MCU: variants seen among roughly 807,000 people sequenced by gnomAD.
The protein encoded by MCU is calcium uniporter protein, mitochondrial.
In MCU, 12 loss-of-function variants were observed where a neutral mutation model predicts 45.2. That is an observed-to-expected ratio of 0.27 (90% CI 0.17 to 0.43). The LOEUF is 0.43. MCU is among the 20% of genes least tolerant of loss of function. The pLI is 1.00. For synonymous variants in MCU, 160 were observed against 165.1 expected (o/e 0.97, Z 0.24); for missense variants, 324 against 436.7 (o/e 0.74, Z 2.30).
chr10:72,805,986 C>T (rs1844442078), intron 1 of MCU, among the ~76,000 whole-genome samples: 1 of 151,968 alleles, frequency 6.6e-6, no homozygotes, highest in Non-Finnish European at 1.5e-5. Flanking sequence ...AAGGAATGAC[C>T]TGGGGGATCT....
At chr10:72,868,269 C>G (rs776787143) in intron 4 of MCU, among the ~76,000 whole-genome samples, 8 of 152,098 alleles carry the variant, frequency 5.3e-5, no homozygotes, top group Non-Finnish European at 8.8e-5. Context: ...AAACTATTGG[C>G]TGGGCATGGT....
At chr10:72,879,526 A>G (rs976269585) in intron 6 of MCU, among the ~76,000 whole-genome samples, 4 of 152,206 alleles carry the variant, frequency 2.6e-5, no homozygotes, top group Non-Finnish European at 5.9e-5. Context: ...TTCCAAAATA[A>G]AGACATTTTC....
At chr10:72,856,812 G>T (rs1479745326) in intron 2 of MCU, among the ~76,000 whole-genome samples, 1 of 2,196 alleles carries the variant, frequency 4.6e-4, no homozygotes, top group Non-Finnish European at 9.4e-4. Context: ...GCATGGTGGT[G>T]CACGCCTGTA....
At chr10:72,829,623 AAAAC>A (rs947926023) in intron 1 of MCU, among the ~76,000 whole-genome samples, 12 of 151,688 alleles carry the variant, frequency 7.9e-5, no homozygotes, top group African/African-American at 2.9e-4. Flanking sequence ...TAAAAAAAAA[AAAAC>A]CTAAACAGTA....
intron 1 of MCU, among the ~76,000 whole-genome samples, chr10:72,824,904 A>G (rs186616353): frequency 6.6e-6 from 1 of 152,342 alleles, no homozygotes; most frequent in Admixed American, 6.5e-5. Context: ...TGTTTACTTC[A>G]TTAATGCAAA....
At chr10:72,692,913 C>G in intron 1 of MCU, 1 of 1,499,622 alleles carries the variant, frequency 6.7e-7, no homozygotes. Context: ...CCGGCTCCCT[C>G]GAGATGGATG....
chr10:72,803,732 GCA>G (rs1297230338), intron 1 of MCU, among the ~76,000 whole-genome samples: 1 of 151,070 alleles, frequency 6.6e-6, no homozygotes, highest in African/African-American at 2.4e-5. Flanking sequence ...TCATTTTTTT[GCA>G]CACACACAAA....
At chr10:72,878,313 G>A (rs921225586) in intron 6 of MCU, among the ~76,000 whole-genome samples, 1 of 151,460 alleles carries the variant, frequency 6.6e-6, no homozygotes. Context: ...GTAGAGCTGT[G>A]GTTTCTCCAT....
chr10:72,865,405 C>T (rs1185080992), intron 4 of MCU, among the ~76,000 whole-genome samples: 1 of 152,140 alleles, frequency 6.6e-6, no homozygotes, highest in Non-Finnish European at 1.5e-5. Context: ...TTTCAAAAGA[C>T]CTTTTTAATG....
intron 1 of MCU, among the ~76,000 whole-genome samples, chr10:72,823,223 A>G (rs1844741121): frequency 6.6e-6 from 1 of 152,248 alleles, no homozygotes; most frequent in Non-Finnish European, 1.5e-5. Context: ...CAACATAGAT[A>G]AGCCTTGAAA....
chr10:72,847,720 G>C (rs1029484252), intron 2 of MCU, among the ~76,000 whole-genome samples: 9 of 152,172 alleles, frequency 5.9e-5, no homozygotes, highest in African/African-American at 2.2e-4. Flanking sequence ...TGTTTCTGTG[G>C]ATTAGGGATT....
intron 1 of MCU, among the ~76,000 whole-genome samples, chr10:72,827,001 T>C (rs1385388587): frequency 2.0e-5 from 3 of 152,216 alleles, no homozygotes; most frequent in Non-Finnish European, 4.4e-5. Flanking sequence ...GCCTAATTTA[T>C]AAATTAAACT....
At chr10:72,813,612 C>T (rs2132805500) in intron 1 of MCU, among the ~76,000 whole-genome samples, 1 of 152,096 alleles carries the variant, frequency 6.6e-6, no homozygotes, top group East Asian at 1.9e-4. Context: ...GCATGCACCA[C>T]CACACCTGGC....
chr10:72,709,355 G>T lies in MCU; in HGVS notation c.150+17054G>T, dbSNP rs1003543179. Among the ~76,000 whole-genome samples, 3 of 152,290 alleles carry T rather than the reference G, an allele frequency of 2.0e-5. No homozygotes were observed. The East Asian group carries it at 5.8e-4, about 29-fold the overall frequency. ...AATACAGATGTCAGAATACTTTAAA[G>T]AAGTATTTAAAGATAGATTGAGTAG... is the stretch of plus-strand genomic sequence containing the variant. On this transcript the variant is annotated intron_variant, in intron 1 of 7. Transcript: ENST00000373053.
intron 1 of MCU, among the ~76,000 whole-genome samples, chr10:72,727,402 T>C (rs1843115805): frequency 1.3e-5 from 2 of 152,208 alleles, no homozygotes; most frequent in African/African-American, 4.8e-5. Context: ...AACATACTTT[T>C]CCCTAATCCC....
At chr10:72,745,386 A>G (rs1410312194) in intron 1 of MCU, among the ~76,000 whole-genome samples, 3 of 151,984 alleles carry the variant, frequency 2.0e-5, no homozygotes. Flanking sequence ...ACACTACCAC[A>G]CCGGCTGGTT....
At chr10:72,880,967 A>C (rs1845692532) in intron 6 of MCU, among the ~76,000 whole-genome samples, 2 of 152,148 alleles carry the variant, frequency 1.3e-5, no homozygotes. Flanking sequence ...ATAGCTAAAA[A>C]AATTTTTTTA....
In MCU at chr10:72,887,266, C is replaced by G. The variant is rs778467020; in HGVS notation, c.*1444C>G. The G allele has an allele frequency of 1.3e-4, 20 of 152,834 alleles. No individual in the cohort carries two copies. Among genetic ancestry groups the G allele is most frequent in the Non-Finnish European group, 2.4e-4 (16 of 68,030 alleles). The allele number at this position is 152,834 out of a possible 1,614,324, so 9.5% of individuals were successfully genotyped here. A position where few individuals can be genotyped will look rare whatever the true frequency, so the allele number is the denominator to read the frequency against. On this transcript the variant is annotated 3_prime_UTR_variant, in exon 8 of 8. Transcript: ENST00000373053. Reference sequence around the variant, plus strand: ...AAACTTTAAATGACAAACCCAGACTCCAGGTGCCTTGCAAAGGTTGAAGGC... The same window carrying G: ...AAACTTTAAATGACAAACCCAGACTGCAGGTGCCTTGCAAAGGTTGAAGGC...
chr10:72,720,366 A>G (rs990840435), intron 1 of MCU, among the ~76,000 whole-genome samples: 1 of 152,224 alleles, frequency 6.6e-6, no homozygotes, highest in African/African-American at 2.4e-5. Flanking sequence ...GAATTCAGGT[A>G]TATGTCTGCA....
Sources: allele counts gnomAD v4.1 joint callset (sites outside exome capture counted in the v4.1 genomes callset), GRCh38; gene constraint gnomAD v4.1.1; transcripts MANE v1.5; gene names NCBI Gene and HGNC (gene_info 2026-07-23, HGNC 2026-07-21).